Variants in DPY19L3 observed in about 807,000 individuals in gnomAD.
The protein encoded by DPY19L3 is dpy-19 like C-mannosyltransferase 3.
In DPY19L3, 51 loss-of-function variants were observed where a neutral mutation model predicts 92.3. The ratio of observed to expected loss-of-function variants is 0.55; its 90% CI spans 0.44 to 0.70. The LOEUF (loss-of-function observed/expected upper bound fraction) is 0.70, where lower values mean the gene tolerates loss of function less well. Among genes scored for constraint, DPY19L3 ranks in the 30% least tolerant of loss-of-function variants. The pLI is 0.00. For synonymous variants in DPY19L3, 309 were observed against 315.2 expected, an observed-to-expected ratio of 0.98 and a Z score of 0.21; for missense variants, 706 against 855.9, an observed-to-expected ratio of 0.82 and a Z score of 2.18.
Position 32,467,954 on chromosome 19 carries a change from G to A in DPY19L3, c.1615-777G>A, listed in dbSNP as rs1568357378. The A allele has an allele frequency of 3.0e-6, 3 of 985,390 alleles. No individual in the cohort carries two copies. In the East Asian group the frequency reaches 3.4e-4, roughly 112 times the overall value. 61.0% of individuals were successfully genotyped at this position (985,390 alleles called of 1,614,324 possible). ...CCAAGTGGTATAAATACAGCCAGAT[G>A]TACCAGATATTCCTGGAGAGCCCTA... On this transcript the variant is annotated intron_variant, in intron 15 of 18. Coordinates refer to ENST00000392250, the MANE Select transcript of DPY19L3 (RefSeq NM_001172774.2).
At chr19:32,408,158 A>T (rs1451197931) in intron 1 of DPY19L3, 59 bp from the exon 2 acceptor site, 1 of 823,000 alleles carries the variant, frequency 1.2e-6, no homozygotes, top group East Asian at 2.5e-5. Context: ...AGCATGGATG[A>T]GCACGGGGTG....
intron 8 of DPY19L3, among the ~76,000 whole-genome samples, chr19:32,452,860 A>ATTTTT (rs55722260): frequency 7.2e-6 from 1 of 139,442 alleles, no homozygotes; most frequent in Non-Finnish European, 1.6e-5. Context: ...CGCCTAGCTA[A>ATTTTT]TTTTTTTTTT....
chr19:32,435,674 G>A (rs1223656626), intron 4 of DPY19L3, among the ~76,000 whole-genome samples: 2 of 152,214 alleles, frequency 1.3e-5, no homozygotes, highest in African/African-American at 2.4e-5. Flanking sequence ...ATCCCTCAGG[G>A]TAGTTTTAAT....
chr19:32,425,607 GGGCTGTA>G (rs1486945504), intron 3 of DPY19L3, among the ~76,000 whole-genome samples: 2 of 151,952 alleles, frequency 1.3e-5, no homozygotes, highest in Non-Finnish European at 2.9e-5. Context: ...CTTGATCCAT[GGGCTGTA>G]GAATAGATTT....
chr19:32,455,060 A>T lies in DPY19L3; in HGVS notation c.1089+20A>T, dbSNP rs372138822. On this transcript the variant is annotated intron_variant, in intron 10 of 18. Transcript: ENST00000392250. ...ATTAAGGTAAGTTAATAAAAATGAC[A>T]TGTTTAATGTATTTTTAATTAACTT... The T allele has an allele frequency of 1.4e-6, 2 of 1,394,526 alleles. No individual in the cohort carries two copies. Among genetic ancestry groups the T allele is most frequent in the Non-Finnish European group, 2.0e-6 (2 of 1,023,432 alleles). 86.4% of individuals were successfully genotyped at this position (1,394,526 alleles called of 1,614,324 possible). A position where few individuals can be genotyped will look rare whatever the true frequency, so the allele number is the denominator to read the frequency against.
rs1396871053 is a variant in DPY19L3 at position 32,432,810 on chromosome 19, A to G, written c.328+4A>G. 6.2e-7 allele frequency: 1 copy of G among 1,612,990 alleles called. No individual in the cohort carries two copies. The highest frequency in any genetic ancestry group is 8.5e-7 in the Non-Finnish European group (1 of 1,179,166). On this transcript the variant is annotated splice_donor_region_variant and intron_variant, in intron 4 of 18. Coordinates refer to ENST00000392250, the MANE Select transcript of DPY19L3 (RefSeq NM_001172774.2). ...CAGGCTCCAACCCTCGTGCAAGGTA[A>G]TTACAACTGATAGTTTCATTTGGGG...
Position 32,408,373 on chromosome 19 carries a change from A to G in DPY19L3, c.103+17A>G. 6.3e-7 allele frequency: 1 copy of G among 1,588,164 alleles called. No individual in the cohort carries two copies. The highest frequency in any genetic ancestry group is 1.1e-5 in the South Asian group (1 of 89,752). ...TGCCATCTGGTAGGTGATTTAAACTAAAGCAGCAATTTGGGTTGCTTTTAT... is the reference window on the plus strand; with the variant it reads ...TGCCATCTGGTAGGTGATTTAAACTGAAGCAGCAATTTGGGTTGCTTTTAT... On this transcript the variant is annotated intron_variant, in intron 2 of 18. Coordinates refer to ENST00000392250, the MANE Select transcript of DPY19L3 (RefSeq NM_001172774.2).
At chr19:32,441,402 A>G (rs565576041) in intron 8 of DPY19L3, among the ~76,000 whole-genome samples, 1 of 152,302 alleles carries the variant, frequency 6.6e-6, no homozygotes, top group East Asian at 1.9e-4. Context: ...AATACACAGT[A>G]AAGTATCAAC....
chr19:32,477,436 C>T lies in DPY19L3; in HGVS notation c.1698-86C>T, dbSNP rs1026620720. 2.6e-6 allele frequency: 4 copies of T among 1,540,584 alleles called. No individual in the cohort carries two copies. The African/African-American group carries it at 4.1e-5, about 16-fold the overall frequency. ...TAACACTTGGTAACATAGCTGGATT[C>T]TTCTGAAAAAGTTTGATATTGTCTT... On this transcript the variant is annotated intron_variant, in intron 16 of 18. Transcript: ENST00000392250.
intron 8 of DPY19L3, among the ~76,000 whole-genome samples, chr19:32,443,856 G>T (rs906020194): frequency 1.3e-5 from 2 of 152,022 alleles, no homozygotes; most frequent in Admixed American, 1.3e-4. Flanking sequence ...GTCAGTTTGA[G>T]ATCAGCCCGG....
At chr19:32,431,902 A>G (rs1320875145) in intron 3 of DPY19L3, among the ~76,000 whole-genome samples, 1 of 152,188 alleles carries the variant, frequency 6.6e-6, no homozygotes, top group Non-Finnish European at 1.5e-5. Context: ...AATATGACAT[A>G]CCATCAATAC....
chr19:32,429,551 C>G (rs1350212145), intron 3 of DPY19L3, among the ~76,000 whole-genome samples: 3 of 152,130 alleles, frequency 2.0e-5, no homozygotes, highest in African/African-American at 7.2e-5. Context: ...TGCATTCTGG[C>G]TATAATAAAG....
At chr19:32,453,660 G>A (rs745486079) in intron 9 of DPY19L3, among the ~76,000 whole-genome samples, 3 of 151,964 alleles carry the variant, frequency 2.0e-5, no homozygotes, top group Non-Finnish European at 2.9e-5. Context: ...AGTCCTTCAC[G>A]TTGGTGGATA....
At position 32,477,409 on chromosome 19, in the gene DPY19L3, C is replaced by T. The variant is rs1970544332; in HGVS notation, c.1698-113C>T. Reference sequence around the variant, plus strand: ...AAACTCCCGTTTTTTTTCCCTGACTCGTAACACTTGGTAACATAGCTGGAT... The same window carrying T: ...AAACTCCCGTTTTTTTTCCCTGACTTGTAACACTTGGTAACATAGCTGGAT... On this transcript the variant is annotated intron_variant, in intron 16 of 18. Coordinates refer to ENST00000392250, the MANE Select transcript of DPY19L3 (RefSeq NM_001172774.2). 4 of 1,384,100 alleles carry T rather than the reference C, an allele frequency of 2.9e-6. No individual in the cohort carries two copies. The Admixed American group carries it at 6.2e-5, about 22-fold the overall frequency. The allele number at this position is 1,384,100 out of a possible 1,614,324, so 85.7% of individuals were successfully genotyped here.
chr19:32,435,306 G>A (rs540353628), intron 4 of DPY19L3, among the ~76,000 whole-genome samples: 4 of 152,272 alleles, frequency 2.6e-5, no homozygotes, highest in East Asian at 1.9e-4. Context: ...TTAGGGCTTC[G>A]GGCTTCAGCA....
chr19:32,418,818 G>C (rs886441655), intron 3 of DPY19L3, among the ~76,000 whole-genome samples: 1 of 152,078 alleles, frequency 6.6e-6, no homozygotes, highest in South Asian at 2.1e-4. Flanking sequence ...TAAAAGTATT[G>C]GTTATGTAAT....
At chr19:32,452,150 T>A (rs539844366) in intron 8 of DPY19L3, among the ~76,000 whole-genome samples, 1 of 152,350 alleles carries the variant, frequency 6.6e-6, no homozygotes, top group East Asian at 1.9e-4. Flanking sequence ...TCCATTACCA[T>A]GTCTGGTTCT....
chr19:32,476,232 CAG>C (rs933639082), intron 16 of DPY19L3, among the ~76,000 whole-genome samples: 13 of 152,168 alleles, frequency 8.5e-5, no homozygotes, highest in African/African-American at 2.9e-4. Context: ...ACCGCAGCAC[CAG>C]AGCTAGTTGC....
chr19:32,469,622 G>A (rs765019434), intron 16 of DPY19L3, among the ~76,000 whole-genome samples: 8 of 151,908 alleles, frequency 5.3e-5, no homozygotes, highest in Non-Finnish European at 1.0e-4. Context: ...TCATCATATT[G>A]CCAAAGCCTA....
Sources: gnomAD v4.1 joint callset for allele counts (sites outside exome capture counted in the v4.1 genomes callset) on GRCh38, gnomAD v4.1.1 for gene constraint, MANE v1.5 for transcripts, NCBI Gene and HGNC (gene_info 2026-07-23, HGNC 2026-07-21) for gene names.